Variants in MACROD2 observed in about 807,000 individuals in gnomAD.
The protein encoded by MACROD2 is mono-ADP ribosylhydrolase 2.
A neutral mutation model predicts 70.4 loss-of-function variants in MACROD2; 36 were observed. The ratio of observed to expected loss-of-function variants is 0.51; its 90% confidence interval spans 0.39 to 0.68. The LOEUF is 0.68. MACROD2 is among the 30% of genes least tolerant of loss of function. The pLI is 0.00. For missense variants in MACROD2, 496 were observed against 538.4 expected (o/e 0.92, Z 0.78); for synonymous variants, 172 against 178.8 (o/e 0.96, Z 0.30).
intron 3 of MACROD2, among the ~76,000 whole-genome samples, chr20:14,487,577 TC>T (rs2123091761): frequency 6.6e-6 from 1 of 152,296 alleles, no homozygotes; most frequent in South Asian, 2.1e-4. Flanking sequence ...GCTTTCCCCT[TC>T]CCCTCTCTCT....
intron 5 of MACROD2, among the ~76,000 whole-genome samples, chr20:15,053,285 T>A (rs2075457340): frequency 6.6e-6 from 1 of 152,182 alleles, no homozygotes. Flanking sequence ...TGGAAGAAGA[T>A]GCCACTTGGG....
chr20:15,814,435 A>G (rs573456222), intron 8 of MACROD2, among the ~76,000 whole-genome samples: 6 of 152,208 alleles, frequency 3.9e-5, no homozygotes, highest in Admixed American at 2.6e-4. Flanking sequence ...TATACACCAC[A>G]TCTCAGAGCT....
intron 6 of MACROD2, among the ~76,000 whole-genome samples, chr20:15,417,674 G>A (rs987108272): frequency 1.1e-4 from 16 of 150,512 alleles, no homozygotes; most frequent in Non-Finnish European, 2.1e-4. Flanking sequence ...GCCAGCAACA[G>A]CAATATCAAC....
intron 5 of MACROD2, among the ~76,000 whole-genome samples, chr20:15,002,343 T>G (rs1423858360): frequency 6.6e-6 from 1 of 152,246 alleles, no homozygotes; most frequent in African/African-American, 2.4e-5. Context: ...ATTGTGGCTT[T>G]GATTTGCATT....
At chr20:15,163,967 A>G (rs2145878172) in intron 5 of MACROD2, among the ~76,000 whole-genome samples, 2 of 152,258 alleles carry the variant, frequency 1.3e-5, no homozygotes, top group Middle Eastern at 6.8e-3. Context: ...TTCTGAGGAC[A>G]CTTGCATTCT....
chr20:14,122,368 G>T (rs554939534), intron 3 of MACROD2, among the ~76,000 whole-genome samples: 1 of 152,264 alleles, frequency 6.6e-6, no homozygotes, highest in East Asian at 1.9e-4. Flanking sequence ...CATTGTCAAT[G>T]CTCATAAATA....
At chr20:14,352,296 G>A (rs1193506859) in intron 3 of MACROD2, 1 of 152,066 alleles carries the variant, frequency 6.6e-6, no homozygotes, top group Non-Finnish European at 1.5e-5. Flanking sequence ...TCAAGATTGT[G>A]AGCAAGTTTT....
At chr20:14,932,939 A>T (rs552790842) in intron 5 of MACROD2, among the ~76,000 whole-genome samples, 1 of 152,218 alleles carries the variant, frequency 6.6e-6, no homozygotes, top group African/African-American at 2.4e-5. Flanking sequence ...TATATAACTA[A>T]TTTCTGGCAA....
At chr20:14,115,886 G>A (rs867671551) in intron 3 of MACROD2, among the ~76,000 whole-genome samples, 3 of 152,074 alleles carry the variant, frequency 2.0e-5, no homozygotes, top group Non-Finnish European at 4.4e-5. Flanking sequence ...AGTAAACTTC[G>A]GTTGGAATTA....
intron 13 of MACROD2, among the ~76,000 whole-genome samples, chr20:15,975,285 C>T (rs976493310): frequency 2.0e-5 from 3 of 151,960 alleles, no homozygotes; most frequent in Admixed American, 2.0e-4. Context: ...GCATAATATT[C>T]GTGGGAGACT....
At chr20:15,122,065 C>G (rs1172374436) in intron 5 of MACROD2, among the ~76,000 whole-genome samples, 1 of 152,116 alleles carries the variant, frequency 6.6e-6, no homozygotes, top group Non-Finnish European at 1.5e-5. Flanking sequence ...CTTTTCTTAA[C>G]ACATTAATGA....
At chr20:14,303,746 C>T (rs1392002972) in intron 3 of MACROD2, among the ~76,000 whole-genome samples, 1 of 152,130 alleles carries the variant, frequency 6.6e-6, no homozygotes, top group Non-Finnish European at 1.5e-5. Flanking sequence ...CTCCCTGACA[C>T]CACTCCCTGT....
chr20:15,708,833 T>G (rs1600790306), intron 8 of MACROD2, among the ~76,000 whole-genome samples: 1 of 152,078 alleles, frequency 6.6e-6, no homozygotes, highest in Non-Finnish European at 1.5e-5. Context: ...AAGACCAGCC[T>G]GGGCAAAATA....
At chr20:14,211,314 A>G (rs528376975) in intron 3 of MACROD2, among the ~76,000 whole-genome samples, 10 of 152,198 alleles carry the variant, frequency 6.6e-5, no homozygotes, top group Non-Finnish European at 1.3e-4. Context: ...GATAATAACT[A>G]TATTCAAAGC....
intron 3 of MACROD2, among the ~76,000 whole-genome samples, chr20:14,409,428 T>A (rs1568599154): frequency 1.3e-5 from 2 of 150,338 alleles, no homozygotes; most frequent in East Asian, 3.9e-4. Flanking sequence ...TTATTGGTAT[T>A]TTATTATTAT....
chr20:15,240,059 A>T (rs2077047976), intron 6 of MACROD2, among the ~76,000 whole-genome samples: 1 of 152,180 alleles, frequency 6.6e-6, no homozygotes, highest in Non-Finnish European at 1.5e-5. Context: ...GAGAAGATGT[A>T]AGGCCAAATG....
At chr20:14,963,549 A>G (rs761736083) in intron 5 of MACROD2, among the ~76,000 whole-genome samples, 4 of 152,088 alleles carry the variant, frequency 2.6e-5, no homozygotes, top group Non-Finnish European at 5.9e-5. Context: ...TTGTGCTGAA[A>G]CAGGTATGCT....
chr20:15,363,166 G>A (rs984642583), intron 6 of MACROD2, among the ~76,000 whole-genome samples: 3 of 152,136 alleles, frequency 2.0e-5, no homozygotes, highest in East Asian at 1.9e-4. Context: ...TGTAAAGCTG[G>A]GTGTTCCCTC....
chr20:14,215,335 T>TACACACAC lies in MACROD2; in HGVS notation c.271+129608_271+129609insCACACACA, dbSNP rs1310041778. Among the ~76,000 whole-genome samples, 134 of 101,720 alleles carry TACACACAC rather than the reference T, an allele frequency of 1.3e-3. 1 individual carries two copies. Among genetic ancestry groups the TACACACAC allele is most frequent in the East Asian group, 9.7e-3 (35 of 3,592 alleles). The allele number at this position is 101,720 out of a possible 152,430, so 66.7% of individuals were successfully genotyped here. On this transcript the variant is annotated intron_variant, in intron 3 of 17. Coordinates refer to ENST00000684519, the MANE Select transcript of MACROD2 (RefSeq NM_001351661.2). ...CATCATATATATCTATGCCATCATATATACACACACACACACACACACACA... is the reference window on the plus strand; with the variant it reads ...CATCATATATATCTATGCCATCATATACACACACATACACACACACACACACACACACA...
Sources: gnomAD v4.1 joint callset for allele counts (sites outside exome capture counted in the v4.1 genomes callset) on GRCh38, gnomAD v4.1.1 for gene constraint, MANE v1.5 for transcripts, NCBI Gene and HGNC (gene_info 2026-07-23, HGNC 2026-07-21) for gene names.